ANO10: variants seen among roughly 807,000 people sequenced by gnomAD.
ANO10 encodes anoctamin-10.
Under a neutral mutation model 74.7 loss-of-function variants are expected in ANO10, and 77 were observed. The observed-to-expected ratio is 1.03, with a 90% CI of 0.86 to 1.25. The LOEUF is 1.25. ANO10 is among the 50% of genes most tolerant of loss of function. The pLI, the probability that ANO10 is intolerant of heterozygous loss-of-function variation, is 0.00. For synonymous variants in ANO10, 279 were observed against 284.9 expected (o/e 0.98, Z 0.21); for missense variants, 721 against 778.1 (o/e 0.93, Z 0.87).
chr3:43,650,718 T>G (rs976970685), intron 1 of ANO10, among the ~76,000 whole-genome samples: 1 of 152,230 alleles, frequency 6.6e-6, no homozygotes, highest in Non-Finnish European at 1.5e-5. Context: ...CATTTCCCCA[T>G]AGCCCTAAAT....
At chr3:43,535,271 T>G (rs970547359) in intron 11 of ANO10, among the ~76,000 whole-genome samples, 7 of 147,278 alleles carry the variant, frequency 4.8e-5, no homozygotes, top group Admixed American at 4.1e-4. Context: ...GACATTCTTT[T>G]TTTTTTTTTT....
At chr3:43,517,003 T>C (rs960701121) in intron 11 of ANO10, among the ~76,000 whole-genome samples, 2 of 152,072 alleles carry the variant, frequency 1.3e-5, no homozygotes, top group Non-Finnish European at 2.9e-5. Flanking sequence ...GGGAGATGCA[T>C]AGATTTATGA....
At chr3:43,580,205 T>A in intron 5 of ANO10, 148 bp downstream of exon 5, 3 of 978,600 alleles carry the variant, frequency 3.1e-6, no homozygotes, top group African/African-American at 1.6e-5. Flanking sequence ...TCTTATTCCC[T>A]CCATCAAAAT....
At chr3:43,374,838 T>C (rs928455807) in intron 12 of ANO10, among the ~76,000 whole-genome samples, 12 of 152,312 alleles carry the variant, frequency 7.9e-5, no homozygotes, top group African/African-American at 2.9e-4. Flanking sequence ...CTTTAAGAAC[T>C]GGCCGGGCGC....
intron 1 of ANO10, among the ~76,000 whole-genome samples, chr3:43,645,557 G>A (rs1047777540): frequency 7.2e-5 from 11 of 151,842 alleles, no homozygotes; most frequent in African/African-American, 2.7e-4. Context: ...CTCTGCCTCT[G>A]AAGACAATTC....
intron 11 of ANO10, among the ~76,000 whole-genome samples, chr3:43,549,108 A>AT (rs10662466): frequency 0.76 from 114,484 of 150,212 alleles, 43,932 homozygotes; most frequent in East Asian, 0.89. Context: ...TTTGAATAGG[A>AT]TTTTTTTTTT....
Position 43,687,488 on chromosome 3 carries a change from G to A in ANO10, c.-12+4029C>T, listed in dbSNP as rs146644071. 3.1e-3 allele frequency among the ~76,000 whole-genome samples: 470 copies of A among 152,122 alleles called. 1 individual carries two copies. The highest frequency in any genetic ancestry group is 0.011 in the African/African-American group (455 of 41,496). ...CAACCTGAAACCCAGTGGGGCACCA[G>A]TCATCAACCAAGTGTATGGCACACT... On this transcript the variant is annotated intron_variant, in intron 1 of 3. Coordinates refer to the ANO10 transcript ENST00000413397.
intron 1 of ANO10, among the ~76,000 whole-genome samples, chr3:43,670,833 C>T (rs545887916): frequency 2.0e-5 from 3 of 152,282 alleles, no homozygotes; most frequent in African/African-American, 7.2e-5. Flanking sequence ...AACTGCCCTA[C>T]AACAGATGCA....
upstream of ANO10, among the ~76,000 whole-genome samples, chr3:43,622,455 C>T (rs1277926334): frequency 5.3e-5 from 8 of 152,216 alleles, no homozygotes; most frequent in East Asian, 1.9e-4. Flanking sequence ...TTTCCCTCTT[C>T]CATCTCTTAA....
At chr3:43,511,027 GATAGT>G (rs1309071530) in intron 11 of ANO10, among the ~76,000 whole-genome samples, 2 of 152,152 alleles carry the variant, frequency 1.3e-5, no homozygotes, top group Non-Finnish European at 2.9e-5. Context: ...TAAAAAGCAA[GATAGT>G]ATAGTTTGAT....
chr3:43,494,839 C>G (rs1384989847), intron 11 of ANO10, among the ~76,000 whole-genome samples: 4 of 152,050 alleles, frequency 2.6e-5, no homozygotes, highest in Non-Finnish European at 5.9e-5. Flanking sequence ...AGTGTTATTC[C>G]TTCCAAAATT....
intron 11 of ANO10, among the ~76,000 whole-genome samples, chr3:43,490,813 C>A (rs1427555035): frequency 1.3e-5 from 2 of 152,210 alleles, no homozygotes; most frequent in Non-Finnish European, 2.9e-5. Context: ...CACACACACA[C>A]CTGGAATGTC....
intron 11 of ANO10, among the ~76,000 whole-genome samples, chr3:43,503,969 A>C (rs2077190684): frequency 6.6e-6 from 1 of 152,110 alleles, no homozygotes; most frequent in African/African-American, 2.4e-5. Context: ...TGTTATATAA[A>C]GTGTTGGGGA....
chr3:43,415,242 G>A (rs879597589), intron 12 of ANO10, among the ~76,000 whole-genome samples: 3 of 151,940 alleles, frequency 2.0e-5, no homozygotes, highest in Non-Finnish European at 4.4e-5. Flanking sequence ...CTCCTCAAGT[G>A]CTGGGATTAC....
chr3:43,492,889 A>C (rs908811202), intron 11 of ANO10, among the ~76,000 whole-genome samples: 10 of 152,208 alleles, frequency 6.6e-5, no homozygotes, highest in African/African-American at 2.4e-4. Context: ...CGATTCCTCA[A>C]GGATCTAGAA....
intron 1 of ANO10, among the ~76,000 whole-genome samples, chr3:43,687,534 C>A (rs934894900): frequency 6.6e-6 from 1 of 152,172 alleles, no homozygotes; most frequent in South Asian, 2.1e-4. Context: ...GGGACAATGG[C>A]AGCATTCAGT....
chr3:43,604,500 T>C (rs553698054), intron 2 of ANO10, among the ~76,000 whole-genome samples: 2 of 151,638 alleles, frequency 1.3e-5, no homozygotes, highest in East Asian at 3.9e-4. Context: ...TGCTCTTGTA[T>C]CTTCTTTTTT....
chr3:43,403,681 T>C (rs115269591), intron 12 of ANO10, among the ~76,000 whole-genome samples: 81 of 152,356 alleles, frequency 5.3e-4, no homozygotes, highest in African/African-American at 1.8e-3. Context: ...ACAAATGGAA[T>C]AGTAATATTT....
intron 6 of ANO10, 53 bp downstream of exon 6, chr3:43,576,639 G>C: frequency 6.4e-7 from 1 of 1,573,880 alleles, no homozygotes; most frequent in South Asian, 1.1e-5. Flanking sequence ...CCATGATCTA[G>C]GCAACATTTC....
Sources: allele counts gnomAD v4.1 joint callset (sites outside exome capture counted in the v4.1 genomes callset), GRCh38; gene constraint gnomAD v4.1.1; transcripts MANE v1.5; gene names NCBI Gene and HGNC (gene_info 2026-07-23, HGNC 2026-07-21).